The following TENM3 variants were observed in gnomAD, a reference collection of about 807,000 sequenced individuals.
TENM3 encodes the protein teneurin-3.
In TENM3, 63 loss-of-function variants were observed where a neutral mutation model predicts 255.1. The observed-to-expected ratio is 0.25, with a 90% CI of 0.20 to 0.30. The LOEUF is 0.30. TENM3 is among the 10% of genes least tolerant of loss of function. The pLI is 1.00. For missense variants in TENM3, 2,929 were observed against 3,461.1 expected (o/e 0.85, Z 3.86); for synonymous variants, 1,306 against 1,322.3 (o/e 0.99, Z 0.27).
At chr4:181,755,181 T>C in the TENM3 span, among the ~76,000 whole-genome samples, 11 of 152,202 alleles carry the variant, frequency 7.2e-5, no homozygotes, top group African/African-American at 2.7e-4. Flanking sequence ...ATTCTAATGA[T>C]ATTTAAAAGG....
In TENM3 at chr4:182,264,573, T is replaced by C. The variant is rs112302979; in HGVS notation, c.-76+21097T>C. Among the ~76,000 whole-genome samples, 845 of 152,360 alleles carry C rather than the reference T, an allele frequency of 5.5e-3. 14 individuals are homozygous for C. Among genetic ancestry groups the C allele is most frequent in the African/African-American group, 0.019 (792 of 41,580 alleles). On this transcript the variant is annotated intron_variant, in intron 1 of 27. Coordinates refer to ENST00000511685, the MANE Select transcript of TENM3 (RefSeq NM_001080477.4). Reference sequence around the variant, plus strand: ...GAGACTGTCCTGTGCTGTAGCTCAGTAGCTAAGGTTTTTGCCCTTTCCCAG... The same window carrying C: ...GAGACTGTCCTGTGCTGTAGCTCAGCAGCTAAGGTTTTTGCCCTTTCCCAG...
the TENM3 span, among the ~76,000 whole-genome samples, chr4:181,923,597 C>A: frequency 1.3e-5 from 2 of 152,142 alleles, no homozygotes; most frequent in Admixed American, 6.6e-5. Context: ...TTAAATATAC[C>A]AAGTAAATCA....
chr4:181,798,087 ATAAG>A, the TENM3 span, among the ~76,000 whole-genome samples: 4 of 84,364 alleles, frequency 4.7e-5, no homozygotes, highest in Non-Finnish European at 8.8e-5. Flanking sequence ...ATATTTCAAA[ATAAG>A]TGTGTGTGTG....
intron 3 of TENM3, among the ~76,000 whole-genome samples, chr4:182,357,945 GT>G (rs1765679662): frequency 6.6e-6 from 1 of 150,834 alleles, no homozygotes; most frequent in Non-Finnish European, 1.5e-5. Context: ...TGGCTAGCCA[GT>G]TTTCCCAGCA....
At chr4:181,583,013 CA>C in the TENM3 span, among the ~76,000 whole-genome samples, 1 of 152,220 alleles carries the variant, frequency 6.6e-6, no homozygotes, top group Non-Finnish European at 1.5e-5. Context: ...TACCCACACA[CA>C]TGTGCATGCA....
At chr4:181,499,707 A>G in the TENM3 span, among the ~76,000 whole-genome samples, 65 of 152,326 alleles carry the variant, frequency 4.3e-4, no homozygotes, top group African/African-American at 1.5e-3. Context: ...TGGGTGGGGT[A>G]AAGGGATGTG....
chr4:182,289,336 C>T (rs80241010), intron 1 of TENM3, among the ~76,000 whole-genome samples: 3 of 152,242 alleles, frequency 2.0e-5, no homozygotes, highest in Admixed American at 6.5e-5. Context: ...CTATCTACAG[C>T]GGCCTGTTCC....
chr4:181,534,981 T>C, the TENM3 span, among the ~76,000 whole-genome samples: 329 of 152,318 alleles, frequency 2.2e-3, 3 homozygotes, highest in African/African-American at 7.5e-3. Context: ...GCCATAGCTC[T>C]AGCACCCTGC....
In TENM3 at chr4:182,254,201, T is replaced by A. The variant is rs956982444; in HGVS notation, c.-76+10725T>A. ...TACATGTGCAGTGTAAAACAAAGGA[T>A]CACGCAGGCTGGATAAAGACAATGG... On this transcript the variant is annotated intron_variant, in intron 1 of 27. Coordinates refer to ENST00000511685, the MANE Select transcript of TENM3 (RefSeq NM_001080477.4). Among the ~76,000 whole-genome samples, 11 of 152,134 alleles carry A rather than the reference T, an allele frequency of 7.2e-5. 1 individual carries two copies. Among genetic ancestry groups the A allele is most frequent in the Non-Finnish European group, 1.6e-4 (11 of 68,018 alleles).
the TENM3 span, among the ~76,000 whole-genome samples, chr4:181,699,789 C>G: frequency 6.6e-6 from 1 of 152,150 alleles, no homozygotes; most frequent in Non-Finnish European, 1.5e-5. Flanking sequence ...TGGATATGCC[C>G]TGTGAGACAA....
the TENM3 span, among the ~76,000 whole-genome samples, chr4:181,895,289 C>T: frequency 0.031 from 4,780 of 151,948 alleles, 82 homozygotes; most frequent in Non-Finnish European, 0.041. Flanking sequence ...TTAGTATTTT[C>T]GCAAATTTAA....
the TENM3 span, among the ~76,000 whole-genome samples, chr4:181,601,959 C>G: frequency 6.6e-6 from 1 of 150,914 alleles, no homozygotes; most frequent in Non-Finnish European, 1.5e-5. Flanking sequence ...CTCTTCTCTT[C>G]TAAGATGCTT....
the TENM3 span, among the ~76,000 whole-genome samples, chr4:181,838,949 T>G: frequency 6.6e-6 from 1 of 151,824 alleles, no homozygotes; most frequent in Admixed American, 6.6e-5. Flanking sequence ...AATGCATGTT[T>G]TATTTATTAA....
chr4:182,288,210 A>AC (rs1210639956), intron 1 of TENM3, among the ~76,000 whole-genome samples: 29 of 152,280 alleles, frequency 1.9e-4, no homozygotes, highest in African/African-American at 7.0e-4. Context: ...TACTGGGATT[A>AC]CAGGCATGAG....
the TENM3 span, among the ~76,000 whole-genome samples, chr4:182,010,926 C>A: frequency 1.3e-5 from 2 of 152,220 alleles, no homozygotes; most frequent in Admixed American, 1.3e-4. Context: ...ACCACTCTTT[C>A]TCTGGGCTTC....
chr4:182,708,658 T>C (rs529973184), intron 12 of TENM3, among the ~76,000 whole-genome samples: 18 of 151,858 alleles, frequency 1.2e-4, no homozygotes, highest in South Asian at 2.1e-4. Flanking sequence ...ATTAGCCAGG[T>C]GTGGTGGCGG....
chr4:182,773,080 G>A (rs1764392473), intron 22 of TENM3, among the ~76,000 whole-genome samples: 1 of 152,204 alleles, frequency 6.6e-6, no homozygotes, highest in South Asian at 2.1e-4. Context: ...GAGGGAGTAA[G>A]TCAGTAAATC....
chr4:182,381,357 A>G (rs1365594022), intron 3 of TENM3, among the ~76,000 whole-genome samples: 1 of 152,212 alleles, frequency 6.6e-6, no homozygotes, highest in Admixed American at 6.5e-5. Context: ...ATGCAGGGAA[A>G]AAAAGACTCA....
intron 1 of TENM3, among the ~76,000 whole-genome samples, chr4:182,182,185 G>A (rs1752879118): frequency 6.6e-6 from 1 of 151,930 alleles, no homozygotes; most frequent in African/African-American, 2.4e-5. Context: ...CAAAGGGCGG[G>A]GTGTTTTCTG....
Sources: allele counts gnomAD v4.1 joint callset (sites outside exome capture counted in the v4.1 genomes callset), GRCh38; gene constraint gnomAD v4.1.1; transcripts MANE v1.5; gene names NCBI Gene and HGNC (gene_info 2026-07-23, HGNC 2026-07-21).